AP4E1: variants seen among roughly 807,000 people sequenced by gnomAD.
The protein encoded by AP4E1 is adaptor related protein complex 4 subunit epsilon 1.
A neutral mutation model predicts 128.2 loss-of-function variants in AP4E1; 56 were observed. The observed-to-expected ratio is 0.44, with a 90% CI of 0.35 to 0.55. The LOEUF (loss-of-function observed/expected upper bound fraction) is 0.55. Among genes scored for constraint, AP4E1 ranks in the 20% least tolerant of loss-of-function variants. The pLI is 0.00. For missense variants in AP4E1, 1,324 were observed against 1,307.7 expected, an observed-to-expected ratio of 1.01 and a Z score of -0.19; for synonymous variants, 484 against 473.1, an observed-to-expected ratio of 1.02 and a Z score of -0.30.
At position 51,002,532 on chromosome 15, in the gene AP4E1, T is replaced by A; in HGVS notation, c.3284T>A (p.Leu1095His). ...GNEGLLACQL[L>H]PSIPCLLHCR... ...GAAGGGCTATTGGCCTGTCAGCTGC[T>A]CCCATCCATCCCCTGCTTACTGCAT... Residue 1095 changes from leucine (L) to histidine (H), a missense_variant, in exon 21 of 21, where the codon CTC becomes CAC. Transcript: ENST00000261842. 1.9e-6 allele frequency: 3 copies of A among 1,614,158 alleles called. No homozygotes were observed. The highest frequency in any genetic ancestry group is 1.3e-5 in the African/African-American group (1 of 75,042).
Position 50,941,483 on chromosome 15 carries a change from C to G in AP4E1, c.985C>G (p.Pro329Ala). 1 of 1,612,888 alleles carries G rather than the reference C, an allele frequency of 6.2e-7. No homozygotes were observed. Among genetic ancestry groups the G allele is most frequent in the Non-Finnish European group, 8.5e-7 (1 of 1,179,396 alleles). ...ECVHTVYSIY[P>A]KSELLEKAAK... ...TGTGCATACAGTCTATTCTATTTAT[C>G]CTAAATCGGAATTACTTGAGAAGGC... Residue 329 changes from proline to alanine, a missense_variant, in exon 9 of 21, where the codon CCT (proline) becomes GCT (alanine). Pro to Ala is a conservative substitution (Grantham distance 27, BLOSUM62 -1). Coordinates refer to ENST00000261842, the MANE Select transcript of AP4E1 (RefSeq NM_007347.5).
At chr15:50,925,974 C>T (rs570568619) in intron 5 of AP4E1, among the ~76,000 whole-genome samples, 1 of 152,010 alleles carries the variant, frequency 6.6e-6, no homozygotes, top group South Asian at 2.1e-4. Flanking sequence ...TCCTATTTTA[C>T]AGCAGAATGT....
chr15:50,924,030 T>C (rs1329893294), intron 4 of AP4E1, 26 bp downstream of exon 4: 2 of 1,561,322 alleles, frequency 1.3e-6, no homozygotes, highest in African/African-American at 1.4e-5. Context: ...TTGGTTAATA[T>C]GAAGTCATAA....
chr15:50,946,695 C>T (rs2064066089), intron 10 of AP4E1, among the ~76,000 whole-genome samples: 1 of 152,106 alleles, frequency 6.6e-6, no homozygotes, highest in Non-Finnish European at 1.5e-5. Flanking sequence ...GCTAATATTG[C>T]TGATCCTAAA....
chr15:50,997,421 C>A lies in AP4E1; in HGVS notation c.2442C>A (p.Thr814=), dbSNP rs1420419569. The stretch of plus-strand genomic sequence containing the variant: ...AAACAACCAGTACTCATAATATGAC[C>A]TGTTCTTCCTTTAGTTCTTTGTCAA... ...SGETTSTHNM[T]CSSFSSLSNV... The change falls in exon 18 of 21, where the codon ACC becomes ACA. Residue 814 remains threonine (T), a synonymous_variant. Transcript: ENST00000261842. 1 of 1,613,178 alleles carries A rather than the reference C, an allele frequency of 6.2e-7. No homozygotes were observed. Among genetic ancestry groups the A allele is most frequent in the Admixed American group, 1.7e-5 (1 of 59,882 alleles).
At position 51,003,947 on chromosome 15, in the gene AP4E1, G is replaced by A. The variant is rs1254965999; in HGVS notation, c.*1285G>A. The A allele has an allele frequency of 6.6e-6, 1 of 152,382 alleles. No individual in the cohort carries two copies. The highest frequency in any genetic ancestry group is 2.4e-5 in the African/African-American group (1 of 41,430). The allele number at this position is 152,382 out of a possible 1,614,324, so 9.4% of individuals were successfully genotyped here. A position where few individuals can be genotyped will look rare whatever the true frequency, so the allele number is the denominator to read the frequency against. Reference sequence around the variant, plus strand: ...ATAAAGAAGCTAAGGGGATTCTCCAGATCTAATAGATTTCATTAGTCATTT... The same window carrying A: ...ATAAAGAAGCTAAGGGGATTCTCCAAATCTAATAGATTTCATTAGTCATTT... On this transcript the variant is annotated 3_prime_UTR_variant, in exon 21 of 21. Coordinates refer to ENST00000261842, the MANE Select transcript of AP4E1 (RefSeq NM_007347.5).
At chr15:50,927,611 A>G (rs1461910278) in intron 5 of AP4E1, among the ~76,000 whole-genome samples, 2 of 150,822 alleles carry the variant, frequency 1.3e-5, no homozygotes, top group African/African-American at 4.9e-5. Context: ...CGTGGCTTGC[A>G]TTCACCACAG....
At chr15:50,977,228 C>T (rs1035665645) in intron 15 of AP4E1, among the ~76,000 whole-genome samples, 1 of 152,036 alleles carries the variant, frequency 6.6e-6, no homozygotes, top group African/African-American at 2.4e-5. Context: ...TATCTGGGGG[C>T]CACCAGTTGC....
At chr15:50,972,967 T>A (rs940061283) in intron 15 of AP4E1, among the ~76,000 whole-genome samples, 2 of 152,190 alleles carry the variant, frequency 1.3e-5, no homozygotes, top group African/African-American at 2.4e-5. Flanking sequence ...AAATATCTGA[T>A]GATTTAAGTT....
At chr15:50,970,065 T>G (rs1596493524) in intron 15 of AP4E1, among the ~76,000 whole-genome samples, 1 of 152,290 alleles carries the variant, frequency 6.6e-6, no homozygotes, top group East Asian at 1.9e-4. Context: ...TAGCTGTAAT[T>G]TTTTATCCTT....
intron 15 of AP4E1, among the ~76,000 whole-genome samples, chr15:50,977,434 G>C (rs1037943155): frequency 6.6e-6 from 1 of 152,072 alleles, no homozygotes; most frequent in African/African-American, 2.4e-5. Context: ...GGGATTAAAC[G>C]CTCAAACTAG....
Position 50,948,155 on chromosome 15 carries a change from G to A in AP4E1, c.1312G>A (p.Glu438Lys), listed in dbSNP as rs754143843. Residue 438 changes from glutamate (E) to lysine (K), a missense_variant, in exon 11 of 21, where the codon GAG (glutamate) becomes AAG (lysine). Physicochemically the swap from Glu to Lys is moderately conservative, Grantham distance 56 (BLOSUM62 1). Coordinates refer to ENST00000261842, the MANE Select transcript of AP4E1 (RefSeq NM_007347.5). ...NLVGKIAELAEKYAPDNAWFI... is the reference protein window; with the variant it reads ...NLVGKIAELAKKYAPDNAWFI... ...GGTCGGCAAAATAGCAGAGCTGGCT[G>A]AGAAATATCCTTTTATTTCGACCAT... The A allele has an allele frequency of 1.2e-6, 2 of 1,613,800 alleles. No homozygotes were observed. The highest frequency in any genetic ancestry group is 1.7e-6 in the Non-Finnish European group (2 of 1,179,896).
At chr15:50,963,146 A>C (rs2064339576) in intron 14 of AP4E1, among the ~76,000 whole-genome samples, 1 of 152,088 alleles carries the variant, frequency 6.6e-6, no homozygotes, top group Admixed American at 6.5e-5. Context: ...TGTTAGTAGG[A>C]ATGTAAATTA....
chr15:50,940,196 C>T (rs1180667773), intron 8 of AP4E1, among the ~76,000 whole-genome samples: 1 of 152,160 alleles, frequency 6.6e-6, no homozygotes, highest in African/African-American at 2.4e-5. Context: ...AGAGTAAAGA[C>T]ATTTTATAGC....
At chr15:50,953,992 A>G (rs1158800989) in intron 13 of AP4E1, among the ~76,000 whole-genome samples, 1 of 152,210 alleles carries the variant, frequency 6.6e-6, no homozygotes, top group African/African-American at 2.4e-5. Flanking sequence ...AGTTGGGTTC[A>G]GTACTATTTT....
intron 15 of AP4E1, among the ~76,000 whole-genome samples, chr15:50,972,294 C>T (rs1175808054): frequency 6.6e-6 from 1 of 152,112 alleles, no homozygotes; most frequent in African/African-American, 2.4e-5. Flanking sequence ...TCACTGCAAC[C>T]TCTGTCTCCC....
At position 50,911,959 on chromosome 15, in the gene AP4E1, T is replaced by C. The variant is rs990254136; in HGVS notation, c.151-119T>C. Reference sequence around the variant, plus strand: ...AGCAGATAGTATTTGTAACTCTCCTTTAAAATAATGTTTCTTTTAAATTAA... The same window carrying C: ...AGCAGATAGTATTTGTAACTCTCCTCTAAAATAATGTTTCTTTTAAATTAA... On this transcript the variant is annotated intron_variant, in intron 1 of 20. Transcript: ENST00000261842. 5.7e-6 allele frequency: 5 copies of C among 874,152 alleles called. No homozygotes were observed. The Admixed American group carries it at 6.3e-5, about 11-fold the overall frequency. 54.1% of individuals were successfully genotyped at this position (874,152 alleles called of 1,614,324 possible).
chr15:50,945,341 G>A (rs1396998960), intron 10 of AP4E1: 7 of 780,050 alleles, frequency 9.0e-6, no homozygotes, highest in Admixed American at 5.1e-5. Context: ...TACAACATGA[G>A]GCAAGCTACT....
At position 50,966,757 on chromosome 15, in the gene AP4E1, G is replaced by A. The variant is rs938797273; in HGVS notation, c.1852-1506G>A. On this transcript the variant is annotated intron_variant, in intron 14 of 20. Transcript: ENST00000261842. ...TCACCATGTTGGTCAGGCTGGTCTC[G>A]AACTCCTGACCTCAGGTGATCCACC... is the stretch of plus-strand genomic sequence containing the variant. Among the ~76,000 whole-genome samples, 45 of 151,936 alleles carry A rather than the reference G, an allele frequency of 3.0e-4. 1 individual carries two copies. Among genetic ancestry groups the A allele is most frequent in the Admixed American group, 5.2e-4 (8 of 15,272 alleles).
Sources: gnomAD v4.1 joint callset for allele counts (sites outside exome capture counted in the v4.1 genomes callset) on GRCh38, gnomAD v4.1.1 for gene constraint, MANE v1.5 for transcripts, NCBI Gene and HGNC (gene_info 2026-07-23, HGNC 2026-07-21) for gene names.